The following CADM2 variants were observed in gnomAD, a reference collection of about 807,000 sequenced individuals.
The protein encoded by CADM2 is cell adhesion molecule 2.
A neutral mutation model predicts 49.8 loss-of-function variants in CADM2; 12 were observed. That is an observed-to-expected ratio of 0.24 (90% CI 0.15 to 0.39). CADM2 has a LOEUF of 0.39. Among genes scored for constraint, CADM2 ranks in the 10% least tolerant of loss-of-function variants. The pLI, the probability that CADM2 is intolerant of heterozygous loss-of-function variation, is 1.00. For synonymous variants in CADM2, 214 were observed against 175.4 expected, an observed-to-expected ratio of 1.22 and a Z score of -1.74; for missense variants, 378 against 492.3, an observed-to-expected ratio of 0.77 and a Z score of 2.20.
At chr3:85,481,229 G>GATAT (rs3086137) in intron 1 of CADM2, among the ~76,000 whole-genome samples, 28,252 of 144,738 alleles carry the variant, frequency 0.2, 2,846 homozygotes, top group East Asian at 0.26. Flanking sequence ...ATATATATTG[G>GATAT]ATATATATAT....
At chr3:85,703,249 C>T (rs1190467351) in intron 1 of CADM2, among the ~76,000 whole-genome samples, 1 of 152,018 alleles carries the variant, frequency 6.6e-6, no homozygotes, top group Non-Finnish European at 1.5e-5. Flanking sequence ...AGCTAAATGC[C>T]ATTCAGGTGA....
At chr3:85,754,878 C>A (rs7639340) in intron 2 of CADM2, among the ~76,000 whole-genome samples, 166 of 152,124 alleles carry the variant, frequency 1.1e-3, no homozygotes, top group African/African-American at 3.9e-3. Flanking sequence ...AAGCAGCGTG[C>A]AACTCAAAAG....
At chr3:85,754,059 G>A (rs1187612418) in intron 2 of CADM2, among the ~76,000 whole-genome samples, 4 of 152,190 alleles carry the variant, frequency 2.6e-5, no homozygotes, top group Non-Finnish European at 4.4e-5. Context: ...CAGCCCTTGG[G>A]AGGGGTGCAC....
At chr3:85,091,276 C>A (rs1048152123) in intron 1 of CADM2, among the ~76,000 whole-genome samples, 6 of 151,486 alleles carry the variant, frequency 4.0e-5, no homozygotes, top group African/African-American at 1.5e-4. Flanking sequence ...CAAATCTGGA[C>A]GGATCTTCAA....
At chr3:85,705,299 T>C (rs2066910137) in intron 1 of CADM2, among the ~76,000 whole-genome samples, 1 of 152,052 alleles carries the variant, frequency 6.6e-6, no homozygotes, top group South Asian at 2.1e-4. Flanking sequence ...CCCAAGTGCT[T>C]TATGTACATT....
intron 1 of CADM2, among the ~76,000 whole-genome samples, chr3:85,348,786 T>G (rs56825201): frequency 0.04 from 6,023 of 152,124 alleles, 407 homozygotes; most frequent in African/African-American, 0.14. Context: ...ACACAAAAAT[T>G]CATGAGAAGC....
At chr3:85,159,257 T>C (rs1020898514) in intron 1 of CADM2, among the ~76,000 whole-genome samples, 12 of 151,358 alleles carry the variant, frequency 7.9e-5, no homozygotes, top group Admixed American at 5.3e-4. Context: ...AACATACTAA[T>C]ACATCAAAAC....
At chr3:85,222,627 A>G (rs1314273894) in intron 1 of CADM2, among the ~76,000 whole-genome samples, 1 of 152,208 alleles carries the variant, frequency 6.6e-6, no homozygotes, top group South Asian at 2.1e-4. Context: ...AGGACTTGGA[A>G]TAATAAAACT....
At chr3:85,586,003 T>C (rs1269046192) in intron 1 of CADM2, among the ~76,000 whole-genome samples, 1 of 152,094 alleles carries the variant, frequency 6.6e-6, no homozygotes, top group Non-Finnish European at 1.5e-5. Flanking sequence ...TAAAATAAAA[T>C]TAATCTCAGC....
At chr3:85,867,454 A>G (rs2075765311) in intron 3 of CADM2, among the ~76,000 whole-genome samples, 2 of 152,072 alleles carry the variant, frequency 1.3e-5, no homozygotes, top group South Asian at 4.1e-4. Context: ...ATTTCCCATA[A>G]TATTATGACC....
intron 3 of CADM2, among the ~76,000 whole-genome samples, chr3:85,859,781 T>G (rs1461443353): frequency 6.6e-6 from 1 of 152,174 alleles, no homozygotes; most frequent in Non-Finnish European, 1.5e-5. Flanking sequence ...TTGTTCTCCT[T>G]ATGTCAGTCT....
intron 1 of CADM2, among the ~76,000 whole-genome samples, chr3:85,196,512 A>G (rs2041346415): frequency 6.6e-6 from 1 of 151,954 alleles, no homozygotes; most frequent in Non-Finnish European, 1.5e-5. Context: ...TTTAATAATT[A>G]TTTCCCAAAG....
intron 1 of CADM2, among the ~76,000 whole-genome samples, chr3:85,476,430 C>G (rs1050614624): frequency 6.6e-6 from 1 of 151,780 alleles, no homozygotes; most frequent in African/African-American, 2.4e-5. Context: ...AAATGATATT[C>G]TTTAAAAATA....
At chr3:85,729,724 ACT>A (rs2067852076) in intron 2 of CADM2, among the ~76,000 whole-genome samples, 1 of 152,012 alleles carries the variant, frequency 6.6e-6, no homozygotes, top group Non-Finnish European at 1.5e-5. Flanking sequence ...TTTTATCTTT[ACT>A]CTCTGGGTCT....
chr3:85,332,454 A>G (rs2044955072), intron 1 of CADM2, among the ~76,000 whole-genome samples: 1 of 152,000 alleles, frequency 6.6e-6, no homozygotes, highest in Non-Finnish European at 1.5e-5. Context: ...AAAAATAGTG[A>G]TGGCACAGAT....
chr3:85,046,586 G>T (rs1368163533), intron 1 of CADM2, among the ~76,000 whole-genome samples: 1 of 151,670 alleles, frequency 6.6e-6, no homozygotes, highest in Non-Finnish European at 1.5e-5. Flanking sequence ...TAAATCAAAG[G>T]ATGATTTTAC....
At chr3:85,003,130 C>T (rs1463498425) in intron 1 of CADM2, among the ~76,000 whole-genome samples, 2 of 152,064 alleles carry the variant, frequency 1.3e-5, no homozygotes, top group Non-Finnish European at 2.9e-5. Context: ...CACAAGGATG[C>T]GCTTGTTATC....
At chr3:86,066,332 C>CAAAAAAAAAAAAAAAAAAAAAAAAAAA (rs10663610) in intron 9 of CADM2, among the ~76,000 whole-genome samples, 3 of 30,362 alleles carry the variant, frequency 9.9e-5, no homozygotes, top group African/African-American at 6.4e-4. Context: ...GACTCCGTCT[C>CAAAAAAAAAAAAAAAAAAAAAAAAAAA]AAAAAAAAAA....
intron 1 of CADM2, among the ~76,000 whole-genome samples, chr3:85,157,036 A>G (rs2040151803): frequency 6.6e-6 from 1 of 152,134 alleles, no homozygotes; most frequent in Non-Finnish European, 1.5e-5. Context: ...GCATTCTTAT[A>G]CACCAACAAC....
Sources: allele counts gnomAD v4.1 joint callset (sites outside exome capture counted in the v4.1 genomes callset), GRCh38; gene constraint gnomAD v4.1.1; transcripts MANE v1.5; gene names NCBI Gene and HGNC (gene_info 2026-07-23, HGNC 2026-07-21).